The following PLAC1 variants were observed in gnomAD, a reference collection of about 807,000 sequenced individuals.
PLAC1 encodes placenta associated 1, also known as placenta-specific protein 1.
For missense variants in PLAC1, 136 were observed against 163.2 expected (o/e 0.83, Z 0.91); for synonymous variants, 68 against 62.1 (o/e 1.09, Z -0.44).
At chrX:134,761,366 T>C (rs2078769542) in intron 1 of PLAC1, among the ~76,000 whole-genome samples, 1 of 111,802 alleles carries the variant, frequency 8.9e-6, no homozygotes, top group Non-Finnish European at 1.9e-5. Flanking sequence ...TGCCAATGGA[T>C]GAATGAATAA....
intron 1 of PLAC1, among the ~76,000 whole-genome samples, chrX:134,630,697 C>A (rs1002947621): frequency 8.9e-6 from 1 of 111,819 alleles, no homozygotes; most frequent in African/African-American, 3.3e-5. Flanking sequence ...AATGGAAGGA[C>A]TTGAGTTGGA....
chrX:134,567,486 C>T (rs2428567), intron 2 of PLAC1, among the ~76,000 whole-genome samples: 11,125 of 110,974 alleles, frequency 0.1, 754 homozygotes, highest in African/African-American at 0.23. Flanking sequence ...AAGAAAGGGG[C>T]GGCTTATGCC....
intron 2 of PLAC1, among the ~76,000 whole-genome samples, chrX:134,681,916 T>G (rs943464203): frequency 2.7e-5 from 3 of 112,090 alleles, no homozygotes; most frequent in African/African-American, 9.8e-5. Flanking sequence ...ACAAGATGCT[T>G]TTTCTCCAGC....
chrX:134,630,129 A>G (rs2078254050), intron 1 of PLAC1, among the ~76,000 whole-genome samples: 1 of 108,869 alleles, frequency 9.2e-6, no homozygotes, highest in African/African-American at 3.3e-5. Context: ...GCGCCACCAT[A>G]CCTGGCTAAT....
intron 1 of PLAC1, among the ~76,000 whole-genome samples, chrX:134,612,088 T>C (rs11798574): frequency 0.18 from 20,374 of 112,111 alleles, 1,504 homozygotes; most frequent in Non-Finnish European, 0.21. Context: ...AAGCCATTTT[T>C]GCTTCTTGTA....
intron 1 of PLAC1, chrX:134,650,846 T>C (rs894683975): frequency 2.1e-4 from 29 of 137,736 alleles, no homozygotes; most frequent in African/African-American, 9.2e-4. Flanking sequence ...GTTTGAACAC[T>C]AGGATCACGA....
intron 1 of PLAC1, among the ~76,000 whole-genome samples, chrX:134,751,141 A>G (rs2078744253): frequency 1.0e-5 from 1 of 100,226 alleles, no homozygotes; most frequent in Admixed American, 1.1e-4. Context: ...AAAAAGGAAA[A>G]GAAAAATGTA....
chrX:134,570,588 T>C (rs2077903194), intron 2 of PLAC1, among the ~76,000 whole-genome samples: 1 of 111,602 alleles, frequency 9.0e-6, no homozygotes, highest in Non-Finnish European at 1.9e-5. Context: ...TTGACTCGAT[T>C]GCAAATTAGC....
intron 1 of PLAC1, among the ~76,000 whole-genome samples, chrX:134,613,805 C>A (rs998936138): frequency 9.1e-6 from 1 of 110,387 alleles, no homozygotes; most frequent in African/African-American, 3.3e-5. Flanking sequence ...GATTCTTACT[C>A]CTGGCTCCCA....
chrX:134,641,657 G>A (rs1303617298), intron 1 of PLAC1, among the ~76,000 whole-genome samples: 1 of 111,748 alleles, frequency 8.9e-6, no homozygotes, highest in East Asian at 2.8e-4. Context: ...GGTGGAGGTG[G>A]GAGCTGAGAC....
chrX:134,706,051 G>A (rs1193871891), intron 2 of PLAC1, among the ~76,000 whole-genome samples: 1 of 111,805 alleles, frequency 8.9e-6, no homozygotes, highest in Non-Finnish European at 1.9e-5. Context: ...AGAGAAGCTA[G>A]CAACCCAGTA....
chrX:134,620,610 T>G (rs1017666887), intron 1 of PLAC1, among the ~76,000 whole-genome samples: 1 of 112,064 alleles, frequency 8.9e-6, no homozygotes, highest in African/African-American at 3.2e-5. Flanking sequence ...TTCCATCATC[T>G]ATTGCCTCTC....
intron 2 of PLAC1, among the ~76,000 whole-genome samples, chrX:134,693,587 G>A (rs1453607571): frequency 2.7e-5 from 3 of 111,604 alleles, no homozygotes; most frequent in African/African-American, 6.5e-5. Flanking sequence ...GCTCGCCTTC[G>A]CATAGCTTCT....
At chrX:134,742,450 T>G (rs1413377895) in intron 1 of PLAC1, among the ~76,000 whole-genome samples, 1 of 112,040 alleles carries the variant, frequency 8.9e-6, no homozygotes, top group Admixed American at 9.4e-5. Flanking sequence ...GAGCTGGGCA[T>G]GGTGGCGCAT....
chrX:134,644,015 A>G, intron 1 of PLAC1, among the ~76,000 whole-genome samples: 1 of 110,691 alleles, frequency 9.0e-6, no homozygotes, highest in East Asian at 2.8e-4. Context: ...TAAAGTGTTC[A>G]TAATAACGTT....
intron 1 of PLAC1, among the ~76,000 whole-genome samples, chrX:134,739,892 G>T (rs2078712515): frequency 8.9e-6 from 1 of 112,214 alleles, no homozygotes; most frequent in African/African-American, 3.2e-5. Flanking sequence ...TTCCACCCCT[G>T]GGTATACCCA....
chrX:134,649,444 G>T (rs2078351471), intron 1 of PLAC1, among the ~76,000 whole-genome samples: 1 of 110,748 alleles, frequency 9.0e-6, no homozygotes, highest in African/African-American at 3.3e-5. Flanking sequence ...CTTGTTCAGT[G>T]ATGTCATGTC....
upstream of PLAC1, among the ~76,000 whole-genome samples, chrX:134,660,190 C>T (rs1024750006): frequency 2.7e-5 from 3 of 110,248 alleles, no homozygotes; most frequent in Non-Finnish European, 3.8e-5. Context: ...CTGCAACCTC[C>T]GCCTCCTGGG....
At chrX:134,638,763 A>T (rs191671785) in intron 1 of PLAC1, among the ~76,000 whole-genome samples, 4,510 of 84,913 alleles carry the variant, frequency 0.053, 220 homozygotes, top group African/African-American at 0.14. Flanking sequence ...TGGCTTTTTT[A>T]AAAAAAAAAA....
Sources: allele counts gnomAD v4.1 joint callset (sites outside exome capture counted in the v4.1 genomes callset), GRCh38; gene constraint gnomAD v4.1.1; transcripts MANE v1.5; gene names NCBI Gene and HGNC (gene_info 2026-07-23, HGNC 2026-07-21).